AHRR: variants seen among roughly 807,000 people sequenced by gnomAD.
AHRR encodes ahR repressor.
In AHRR, 28 loss-of-function variants were observed where a neutral mutation model predicts 44.0. The observed-to-expected ratio is 0.64, with a 90% CI of 0.47 to 0.87. The LOEUF (loss-of-function observed/expected upper bound fraction) is 0.87, where lower values mean the gene tolerates loss of function less well. Among genes scored for constraint, AHRR ranks in the 40% least tolerant of loss-of-function variants. The probability of loss-of-function intolerance (pLI) is 0.00; values close to 1 mark genes in which losing one functional copy is unlikely to be tolerated. For synonymous variants in AHRR, 434 were observed against 407.0 expected, an observed-to-expected ratio of 1.07 and a Z score of -0.80; for missense variants, 990 against 953.9, an observed-to-expected ratio of 1.04 and a Z score of -0.50.
intron 6 of AHRR, among the ~76,000 whole-genome samples, chr5:423,328 C>T (rs754591029): frequency 6.6e-6 from 1 of 152,180 alleles, no homozygotes; most frequent in East Asian, 1.9e-4. Context: ...CTCCCTGTGG[C>T]GCTGACTGAT....
rs767050215 is a variant in AHRR, at chr5:413,335, T to G, written c.352-9T>G. On this transcript the variant is annotated splice_polypyrimidine_tract_variant and intron_variant, in intron 4 of 10. Transcript: ENST00000684583. ...TCGATTTTTTTTTTTGTTTTGTTTT[T>G]TCTTCTAGTCTCTTAATGGCTTTGC... The G allele has an allele frequency of 1.3e-6, 2 of 1,577,048 alleles. No individual in the cohort carries two copies. The highest frequency in any genetic ancestry group is 4.5e-5 in the East Asian group (2 of 44,566).
chr5:351,841 G>T (rs747678935), intron 2 of AHRR, among the ~76,000 whole-genome samples: 1 of 152,234 alleles, frequency 6.6e-6, no homozygotes, highest in African/African-American at 2.4e-5. Flanking sequence ...AGTTTGTGCC[G>T]CAGAGTTCCT....
In AHRR at chr5:434,659, G is replaced by A. The variant is rs1215291966; in HGVS notation, c.1919G>A (p.Gly640Asp). The change falls in exon 11 of 11, where the codon GGT (glycine) becomes GAT (aspartate). Residue 640 changes from glycine (G) to aspartate (D), a missense_variant. Transcript: ENST00000684583. ...PPHQLCARGR[G>D]EQSCTCRAAE... is the part of the protein sequence containing the mutation. ...CACCAGCTCTGTGCACGGGGCCGAGGTGAACAGTCCTGCACCTGCAGAGCT... is the reference window on the plus strand; with the variant it reads ...CACCAGCTCTGTGCACGGGGCCGAGATGAACAGTCCTGCACCTGCAGAGCT... 5 of 1,566,584 alleles carry A rather than the reference G, an allele frequency of 3.2e-6. No individual in the cohort carries two copies. In the South Asian group the frequency reaches 5.8e-5, roughly 18 times the overall value.
At chr5:423,075 A>C (rs1579702112) in intron 6 of AHRR, among the ~76,000 whole-genome samples, 1 of 150,850 alleles carries the variant, frequency 6.6e-6, no homozygotes. Context: ...AGTGTGCTTC[A>C]CTCCTGGTTG....
intron 2 of AHRR, among the ~76,000 whole-genome samples, chr5:350,617 T>C (rs2126387066): frequency 6.6e-6 from 1 of 152,272 alleles, no homozygotes; most frequent in East Asian, 1.9e-4. Flanking sequence ...GGTGCTCCCC[T>C]TGTTTTCTGG....
chr5:426,676 CGGAT>C (rs1258410161), intron 7 of AHRR, among the ~76,000 whole-genome samples: 2 of 111,916 alleles, frequency 1.8e-5, no homozygotes, highest in East Asian at 3.0e-4. Flanking sequence ...GATGGGTGGA[CGGAT>C]GGATGGATAG....
At chr5:421,474 T>A in intron 5 of AHRR, 2 of 494,278 alleles carry the variant, frequency 4.0e-6, no homozygotes, top group Non-Finnish European at 7.2e-6. Context: ...CTGGGTGGGG[T>A]CCCGCGGGGT....
At chr5:420,984 T>C (rs957908534) in intron 5 of AHRR, 3 of 331,002 alleles carry the variant, frequency 9.1e-6, no homozygotes, top group African/African-American at 5.6e-5. Context: ...AGCCAAAATA[T>C]ACACGATGGT....
chr5:423,994 CT>C lies in AHRR; in HGVS notation c.708+18del, dbSNP rs1560921471. 6.3e-7 allele frequency: 1 copy of C among 1,591,552 alleles called. No individual in the cohort carries two copies. The highest frequency in any genetic ancestry group is 1.3e-5 in the African/African-American group (1 of 74,828). On this transcript the variant is annotated intron_variant, in intron 7 of 10. Transcript: ENST00000684583. ...GGCTTCCTGGTGAGTGCGTGGGTCCCTGGCAGGGGGCTCCCGACATCTGGGA... is the reference window on the plus strand; with the variant it reads ...GGCTTCCTGGTGAGTGCGTGGGTCCCGGCAGGGGGCTCCCGACATCTGGGA...
At chr5:420,416 G>T (rs1243592896) in intron 5 of AHRR, among the ~76,000 whole-genome samples, 1 of 150,668 alleles carries the variant, frequency 6.6e-6, no homozygotes, top group Non-Finnish European at 1.5e-5. Context: ...CAAAGGAGGA[G>T]TGACCCCCCA....
intron 4 of AHRR, among the ~76,000 whole-genome samples, chr5:408,555 A>G (rs917369561): frequency 2.0e-5 from 3 of 151,898 alleles, no homozygotes; most frequent in African/African-American, 7.3e-5. Flanking sequence ...TTGGTGTATT[A>G]TTTTCCTAAT....
In AHRR at chr5:433,850, C is replaced by T; in HGVS notation, c.1113-3C>T. 1 of 1,489,148 alleles carries T rather than the reference C, an allele frequency of 6.7e-7. No homozygotes were observed. The highest frequency in any genetic ancestry group is 2.4e-5 in the East Asian group (1 of 40,976). 92.2% of individuals were successfully genotyped at this position (1,489,148 alleles called of 1,614,324 possible). A position where few individuals can be genotyped will look rare whatever the true frequency, so the allele number is the denominator to read the frequency against. On this transcript the variant is annotated splice_region_variant and splice_polypyrimidine_tract_variant and intron_variant, in intron 10 of 10. Transcript: ENST00000684583. ...TCAAATGGGCCCCGTCTTTTCTCTGCAGGGACAGGGAGGAGGAGCAGCACA... is the reference window on the plus strand; with the variant it reads ...TCAAATGGGCCCCGTCTTTTCTCTGTAGGGACAGGGAGGAGGAGCAGCACA...
intron 3 of AHRR, among the ~76,000 whole-genome samples, chr5:372,964 G>C (rs1403391365): frequency 6.6e-6 from 1 of 152,236 alleles, no homozygotes; most frequent in Non-Finnish European, 1.5e-5. Context: ...CCCCAAGGGA[G>C]CCACTCTGCT....
At position 388,343 on chromosome 5, in the gene AHRR, C is replaced by A. The variant is rs979931504; in HGVS notation, c.351+11627C>A. 6.6e-6 allele frequency among the ~76,000 whole-genome samples: 1 copy of A among 152,258 alleles called. No homozygotes were observed. The highest frequency in any genetic ancestry group is 2.4e-5 in the African/African-American group (1 of 41,470). ...GACTGCGCCTGGGGCTGCCCCAAGA[C>A]TGTGAAGCTCATGGACTCACGCAGC... is the stretch of plus-strand genomic sequence containing the variant. On this transcript the variant is annotated intron_variant, in intron 4 of 10. Coordinates refer to ENST00000684583, the MANE Select transcript of AHRR (RefSeq NM_001377236.1). This position sits in a 1 kb window ranked among gnomAD's most constrained non-coding sequence, Gnocchi z 5.2.
intron 4 of AHRR, among the ~76,000 whole-genome samples, chr5:396,406 G>A (rs1734708131): frequency 6.6e-6 from 1 of 152,148 alleles, no homozygotes. Flanking sequence ...GGGTACTGAG[G>A]CGGGCGGCCC....
Position 405,773 on chromosome 5 carries a change from T to C in AHRR, c.352-7571T>C, listed in dbSNP as rs1735229226. On this transcript the variant is annotated intron_variant, in intron 4 of 10. Coordinates refer to ENST00000684583, the MANE Select transcript of AHRR (RefSeq NM_001377236.1). The surrounding 1 kb of genome is among the most constrained non-coding windows in gnomAD (Gnocchi z 4.5). ...CCTCGCAGACTGTTGAGTTGGTCTT[T>C]GACAAGTGTTTCTTTTATATTTTCA... Among the ~76,000 whole-genome samples the C allele has an allele frequency of 6.6e-6, 1 of 152,264 alleles. No homozygotes were observed.
rs770334938 is a variant in AHRR, at chr5:427,851, G to A, written c.753G>A (p.Lys251=). The A allele has an allele frequency of 7.4e-6, 12 of 1,614,072 alleles. No homozygotes were observed. The highest frequency in any genetic ancestry group is 8.5e-6 in the Non-Finnish European group (10 of 1,180,058). The change falls in exon 8 of 11, where the codon AAG becomes AAA. Residue 251 remains lysine, a synonymous_variant. Transcript: ENST00000684583. ...AACTAAAATTCCTGTTTGGACAGAA[G>A]AAGAAGGCGCCGTCAGGAGCCATGC... ...QGKLKFLFGQ[K]KKAPSGAMLP...
chr5:424,960 C>T (rs1736319443), intron 7 of AHRR, among the ~76,000 whole-genome samples: 1 of 152,232 alleles, frequency 6.6e-6, no homozygotes, highest in African/African-American at 2.4e-5. Flanking sequence ...CACAGTCAGC[C>T]CTGGGTCATG....
intron 2 of AHRR, among the ~76,000 whole-genome samples, chr5:351,748 T>C (rs1192795467): frequency 6.6e-6 from 1 of 152,236 alleles, no homozygotes; most frequent in East Asian, 1.9e-4. Context: ...ATATCTCAAC[T>C]GAAAACAACT....
Sources: allele counts gnomAD v4.1 joint callset (sites outside exome capture counted in the v4.1 genomes callset), GRCh38; gene constraint gnomAD v4.1.1; non-coding constraint Gnocchi (gnomAD v3.1); transcripts MANE v1.5; gene names NCBI Gene and HGNC (gene_info 2026-07-23, HGNC 2026-07-21).